Variants in GPHN observed in about 807,000 individuals in gnomAD.
GPHN encodes the protein gephyrin.
In GPHN, 17 loss-of-function variants were observed where a neutral mutation model predicts 95.5. The observed-to-expected ratio is 0.18, with a 90% CI of 0.12 to 0.27. The LOEUF (loss-of-function observed/expected upper bound fraction) is 0.27. GPHN is among the 10% of genes least tolerant of loss of function. GPHN has a pLI of 1.00. For missense variants in GPHN, 660 were observed against 978.1 expected (o/e 0.67, Z 4.34); for synonymous variants, 320 against 322.5 (o/e 0.99, Z 0.08).
At chr14:67,676,446 C>G in the GPHN span, among the ~76,000 whole-genome samples, 3 of 152,054 alleles carry the variant, frequency 2.0e-5, no homozygotes, top group African/African-American at 7.2e-5. Context: ...GATCAATAGC[C>G]TGGGGCCGGG....
chr14:66,964,353 G>C (rs1193347989), intron 8 of GPHN, among the ~76,000 whole-genome samples: 1 of 152,134 alleles, frequency 6.6e-6, no homozygotes, highest in Non-Finnish European at 1.5e-5. Context: ...TCAATTTTCA[G>C]ATAAAGGAAG....
At chr14:67,316,946 C>A in the GPHN span, 1 of 1,493,096 alleles carries the variant, frequency 6.7e-7, no homozygotes, top group Non-Finnish European at 9.2e-7. Flanking sequence ...TTTCTTGGGT[C>A]TTCATCTGGA....
the GPHN span, among the ~76,000 whole-genome samples, chr14:67,214,007 G>T: frequency 6.6e-6 from 1 of 152,112 alleles, no homozygotes; most frequent in Admixed American, 6.5e-5. Context: ...CTTTTTGATG[G>T]GGTTGTTTGT....
chr14:67,208,367 A>T, the GPHN span: 1 of 1,614,038 alleles, frequency 6.2e-7, no homozygotes, highest in Middle Eastern at 1.6e-4. Flanking sequence ...TGAGGCAAAT[A>T]CATCCAAGGA....
intron 11 of GPHN, among the ~76,000 whole-genome samples, chr14:67,061,833 CT>C (rs2075835906): frequency 3.9e-5 from 6 of 152,002 alleles, no homozygotes; most frequent in Admixed American, 3.9e-4. Flanking sequence ...ATAGTTTTTG[CT>C]TGGAAAAACT....
At chr14:67,684,817 T>C in the GPHN span, 2 of 455,780 alleles carry the variant, frequency 4.4e-6, no homozygotes, top group Non-Finnish European at 7.7e-6. Flanking sequence ...ATTATCAGTA[T>C]AAAAGATGGC....
At chr14:67,649,226 A>C in the GPHN span, 1 of 152,132 alleles carries the variant, frequency 6.6e-6, no homozygotes, top group Non-Finnish European at 1.5e-5. Context: ...TTTTACTCCA[A>C]AAGACACTCA....
At chr14:67,029,988 C>CT (rs10561726) in intron 10 of GPHN, among the ~76,000 whole-genome samples, 1,413 of 129,860 alleles carry the variant, frequency 0.011, 12 homozygotes, top group East Asian at 0.019. Flanking sequence ...TTTGGTAGCT[C>CT]TTTTTTTTTT....
At chr14:66,927,107 G>A (rs182312126) in intron 8 of GPHN, among the ~76,000 whole-genome samples, 15 of 152,192 alleles carry the variant, frequency 9.9e-5, no homozygotes, top group African/African-American at 3.4e-4. Context: ...TAAGCACTTT[G>A]GGAGGCTGAG....
At chr14:66,746,297 C>T (rs1371690328) in intron 2 of GPHN, among the ~76,000 whole-genome samples, 1 of 152,118 alleles carries the variant, frequency 6.6e-6, no homozygotes, top group Non-Finnish European at 1.5e-5. Flanking sequence ...TAGGCTCAAT[C>T]AATTGTCTTA....
chr14:67,278,116 G>A, the GPHN span, among the ~76,000 whole-genome samples: 3 of 150,374 alleles, frequency 2.0e-5, no homozygotes, highest in East Asian at 2.0e-4. Flanking sequence ...AGCTCACTGC[G>A]GCCTCTGCCT....
At chr14:67,651,265 T>C in the GPHN span, 1 of 1,575,332 alleles carries the variant, frequency 6.3e-7, no homozygotes, top group Non-Finnish European at 8.6e-7. Flanking sequence ...ACAGCCTGGC[T>C]ATACAGTGCA....
intron 1 of GPHN, among the ~76,000 whole-genome samples, chr14:66,633,690 CT>C (rs1229226715): frequency 6.6e-6 from 1 of 152,066 alleles, no homozygotes; most frequent in Admixed American, 6.5e-5. Flanking sequence ...GTTTTCATTT[CT>C]TTTGAATAAA....
At position 67,123,905 on chromosome 14, in the gene GPHN, A is replaced by G. The variant is rs1046075671; in HGVS notation, c.1748+1528A>G. 8.5e-5 allele frequency among the ~76,000 whole-genome samples: 13 copies of G among 152,274 alleles called. No homozygotes were observed. The East Asian group carries it at 2.1e-3, about 25-fold the overall frequency. The stretch of plus-strand genomic sequence containing the variant: ...GTGGCCCAGGAAAGCCAAAAGATTG[A>G]ACACCCCTGGTCTAAACCTTGGACA... On this transcript the variant is annotated intron_variant, in intron 17 of 22. Transcript: ENST00000478722.
chr14:67,462,104 C>T, the GPHN span, among the ~76,000 whole-genome samples: 10 of 152,130 alleles, frequency 6.6e-5, no homozygotes, highest in East Asian at 7.7e-4. Flanking sequence ...CTGTAACAGG[C>T]GAGGTCTCCT....
the GPHN span, among the ~76,000 whole-genome samples, chr14:67,369,016 T>C: frequency 6.6e-6 from 1 of 152,226 alleles, no homozygotes; most frequent in South Asian, 2.1e-4. Flanking sequence ...GGTATTCAAT[T>C]ATTCAGTTAT....
chr14:67,728,360 T>TC, the GPHN span: 6 of 152,342 alleles, frequency 3.9e-5, no homozygotes, highest in Admixed American at 3.3e-4. Context: ...GCTATTATTT[T>TC]CCCCCACTCT....
intron 18 of GPHN, among the ~76,000 whole-genome samples, chr14:67,153,038 C>T (rs1171411054): frequency 1.3e-5 from 2 of 151,882 alleles, no homozygotes; most frequent in Non-Finnish European, 2.9e-5. Flanking sequence ...CAGTGGCTCA[C>T]GCCTGTAATC....
chr14:66,530,924 A>G (rs1176552127), intron 1 of GPHN, among the ~76,000 whole-genome samples: 3 of 149,396 alleles, frequency 2.0e-5, no homozygotes, highest in South Asian at 4.3e-4. Context: ...CCAGCAACTC[A>G]GCCCACTGTT....
Sources: gnomAD v4.1 joint callset for allele counts (sites outside exome capture counted in the v4.1 genomes callset) on GRCh38, gnomAD v4.1.1 for gene constraint, MANE v1.5 for transcripts, NCBI Gene and HGNC (gene_info 2026-07-23, HGNC 2026-07-21) for gene names.